KDM3B: variants seen among roughly 807,000 people sequenced by gnomAD.
The protein encoded by KDM3B is lysine demethylase 3B.
In KDM3B, 10 loss-of-function variants were observed where a neutral mutation model predicts 170.0. The observed-to-expected ratio is 0.06, with a 90% CI of 0.04 to 0.10. KDM3B has a LOEUF of 0.10. Ranked by LOEUF, KDM3B falls within the 10% of genes least tolerant of loss-of-function variation. KDM3B has a pLI of 1.00. For synonymous variants in KDM3B, 831 were observed against 834.8 expected, an observed-to-expected ratio of 1.00 and a Z score of 0.08; for missense variants, 1,394 against 2,195.2, an observed-to-expected ratio of 0.64 and a Z score of 7.29.
chr5:138,400,195 A>G (rs1762646593), intron 11 of KDM3B, among the ~76,000 whole-genome samples, 183 bp downstream of exon 11: 1 of 152,060 alleles, frequency 6.6e-6, no homozygotes, highest in African/African-American at 2.4e-5. Flanking sequence ...GGCTGAAACA[A>G]GACAAGAAGG....
intron 6 of KDM3B, among the ~76,000 whole-genome samples, chr5:138,381,982 G>A (rs752306789): frequency 3.3e-5 from 5 of 149,956 alleles, no homozygotes; most frequent in South Asian, 2.1e-4. Context: ...TTTTCCATTC[G>A]GTGGCAGTGA....
At chr5:138,429,170 G>A (rs1763471061) in intron 20 of KDM3B, among the ~76,000 whole-genome samples, 2 of 151,778 alleles carry the variant, frequency 1.3e-5, no homozygotes, top group African/African-American at 2.4e-5. Context: ...TCATGCCTCA[G>A]CCTCCCAAGT....
chr5:138,409,481 G>A (rs537106468), intron 11 of KDM3B, among the ~76,000 whole-genome samples: 2 of 152,210 alleles, frequency 1.3e-5, no homozygotes, highest in South Asian at 2.1e-4. Context: ...TCAGTGAGCC[G>A]AGCATCATAA....
intron 2 of KDM3B, among the ~76,000 whole-genome samples, chr5:138,373,631 C>G (rs1172473114): frequency 6.6e-6 from 1 of 151,970 alleles, no homozygotes; most frequent in Non-Finnish European, 1.5e-5. Context: ...TACAGACGCA[C>G]AGCACGGCAC....
chr5:138,386,708 C>T, intron 7 of KDM3B, 87 bp downstream of exon 7: 2 of 1,500,686 alleles, frequency 1.3e-6, no homozygotes, highest in Admixed American at 4.1e-5. Context: ...ATTCAAGTGC[C>T]CCAGGGAAGG....
intron 1 of KDM3B, among the ~76,000 whole-genome samples, chr5:138,358,099 G>A (rs545180483): frequency 6.6e-6 from 1 of 151,898 alleles, no homozygotes; most frequent in African/African-American, 2.4e-5. Context: ...CTGGGTTCAA[G>A]CGATTCTCCT....
intron 1 of KDM3B, among the ~76,000 whole-genome samples, chr5:138,359,079 T>A (rs1370761744): frequency 6.6e-6 from 1 of 152,040 alleles, no homozygotes; most frequent in East Asian, 1.9e-4. Context: ...TTACTGAGAA[T>A]GATGATTTCC....
intron 11 of KDM3B, among the ~76,000 whole-genome samples, chr5:138,408,932 A>G (rs755635064): frequency 2.0e-5 from 3 of 152,238 alleles, no homozygotes; most frequent in Admixed American, 6.5e-5. Context: ...TCAGGGGGCC[A>G]TAATACATAA....
At chr5:138,371,160 A>G (rs1322958105) in intron 1 of KDM3B, among the ~76,000 whole-genome samples, 1 of 152,120 alleles carries the variant, frequency 6.6e-6, no homozygotes, top group African/African-American at 2.4e-5. Context: ...CAGAATTTAT[A>G]TAGAAAGTCA....
At chr5:138,389,121 A>G (rs1762357108) in intron 7 of KDM3B, among the ~76,000 whole-genome samples, 1 of 152,272 alleles carries the variant, frequency 6.6e-6, no homozygotes, top group South Asian at 2.1e-4. Flanking sequence ...CTGCCTGTGA[A>G]GCAACAGCAG....
rs577248581 is a variant in KDM3B, at chr5:138,424,940, AGT to A, written c.4240-467_4240-466del. 4.3e-3 allele frequency among the ~76,000 whole-genome samples: 656 copies of A among 152,314 alleles called. 2 individuals are homozygous for A. The highest frequency in any genetic ancestry group is 0.015 in the African/African-American group (630 of 41,566). ...TGATATCTTTAGAGAAAAATCCTTA[AGT>A]GTGATTTTAAGATGGGGCAGAGAAG... is the stretch of plus-strand genomic sequence containing the variant. On this transcript the variant is annotated intron_variant, in intron 16 of 23. Coordinates refer to ENST00000314358, the MANE Select transcript of KDM3B (RefSeq NM_016604.4).
At chr5:138,400,089 A>C in intron 11 of KDM3B, 77 bp downstream of exon 11, 4 of 1,479,234 alleles carry the variant, frequency 2.7e-6, no homozygotes, top group Non-Finnish European at 3.7e-6. Context: ...TTGAAAATTG[A>C]GGCAGGAATG....
rs183635261 is a variant in KDM3B, at chr5:138,363,027, C to T, written c.193-9647C>T. On this transcript the variant is annotated intron_variant, in intron 1 of 23. Coordinates refer to ENST00000314358, the MANE Select transcript of KDM3B (RefSeq NM_016604.4). ...ATTTACTTTTCCTTGTTGTGATGCC[C>T]CTTACATGTAACAAATTTGTATTAT... Among the ~76,000 whole-genome samples the T allele has an allele frequency of 3.1e-3, 474 of 151,904 alleles. 4 individuals carry two copies. Among genetic ancestry groups the T allele is most frequent in the African/African-American group, 0.011 (443 of 41,430 alleles).
intron 13 of KDM3B, 126 bp from the exon 14 acceptor site, chr5:138,418,827 T>C: frequency 2.3e-6 from 2 of 887,130 alleles, no homozygotes; most frequent in Non-Finnish European, 3.6e-6. Flanking sequence ...TTAAATAATG[T>C]ATGAAATGCC....
chr5:138,381,273 C>T (rs891270425), intron 5 of KDM3B, among the ~76,000 whole-genome samples: 2 of 152,250 alleles, frequency 1.3e-5, no homozygotes, highest in Non-Finnish European at 2.9e-5. Context: ...GAATTAACAT[C>T]GCTAAAAGAC....
At chr5:138,419,730 C>T (rs951433147) in intron 14 of KDM3B, among the ~76,000 whole-genome samples, 24 of 35,524 alleles carry the variant, frequency 6.8e-4, no homozygotes, top group Middle Eastern at 0.014. Flanking sequence ...CACACACATA[C>T]ACACACACAC....
At chr5:138,363,951 C>G (rs1239108804) in intron 1 of KDM3B, among the ~76,000 whole-genome samples, 1 of 146,372 alleles carries the variant, frequency 6.8e-6, no homozygotes, top group Non-Finnish European at 1.5e-5. Flanking sequence ...CTCACTCACT[C>G]TGTCGCCTAG....
intron 20 of KDM3B, among the ~76,000 whole-genome samples, chr5:138,428,384 G>T (rs1392972321): frequency 2.0e-5 from 3 of 151,926 alleles, no homozygotes; most frequent in Non-Finnish European, 4.4e-5. Context: ...GCTAATTTTT[G>T]TATTTTTAGT....
In KDM3B at chr5:138,403,728, C is replaced by T. The variant is rs548943332; in HGVS notation, c.3199+3716C>T. On this transcript the variant is annotated intron_variant, in intron 11 of 23. Transcript: ENST00000314358. Reference sequence around the variant, plus strand: ...GAACCTTAAGCCAGGTATGATGGCTCACACCTGCAATCCCAGCACTTTGGG... The same window carrying T: ...GAACCTTAAGCCAGGTATGATGGCTTACACCTGCAATCCCAGCACTTTGGG... Among the ~76,000 whole-genome samples the T allele has an allele frequency of 2.7e-5, 4 of 150,334 alleles. No individual in the cohort carries two copies. In the South Asian group the frequency reaches 8.4e-4, roughly 32 times the overall value.
Sources: allele counts gnomAD v4.1 joint callset (sites outside exome capture counted in the v4.1 genomes callset), GRCh38; gene constraint gnomAD v4.1.1; transcripts MANE v1.5; gene names NCBI Gene and HGNC (gene_info 2026-07-23, HGNC 2026-07-21).